VCF1: variants seen among roughly 807,000 people sequenced by gnomAD.
VCF1 encodes VCP nuclear cofactor family member 1, also known as protein VCF1.
At chr17:73,225,905 T>TAC in the VCF1 span, among the ~76,000 whole-genome samples, 2 of 113,246 alleles carry the variant, frequency 1.8e-5, no homozygotes, top group African/African-American at 6.9e-5. Context: ...ATATATTTTT[T>TAC]TTTTTTTTTT....
the VCF1 span, among the ~76,000 whole-genome samples, chr17:73,214,218 T>C: frequency 1.3e-5 from 2 of 151,968 alleles, no homozygotes. Flanking sequence ...TTCTCACTAC[T>C]GTGGAGGCTT....
chr17:73,229,775 G>A, the VCF1 span, among the ~76,000 whole-genome samples: 1 of 150,592 alleles, frequency 6.6e-6, no homozygotes, highest in Non-Finnish European at 1.5e-5. Flanking sequence ...GGCTGAGGCA[G>A]GGGAACTGCT....
At chr17:73,220,197 T>A in the VCF1 span, among the ~76,000 whole-genome samples, 1 of 152,170 alleles carries the variant, frequency 6.6e-6, no homozygotes, top group Non-Finnish European at 1.5e-5. Flanking sequence ...ATACTCCTAT[T>A]GTCATATGAA....
the VCF1 span, chr17:73,232,003 C>T: frequency 7.0e-7 from 1 of 1,436,232 alleles, no homozygotes; most frequent in Non-Finnish European, 9.3e-7. Context: ...CACTCTTGCT[C>T]CGACCCCCAT....
chr17:73,209,913 A>G, the VCF1 span: 17 of 1,311,286 alleles, frequency 1.3e-5, no homozygotes, highest in Non-Finnish European at 1.7e-5. Flanking sequence ...TGGAATTGAT[A>G]AAGTACGCTC....
chr17:73,222,059 T>G, the VCF1 span, among the ~76,000 whole-genome samples: 1 of 98,366 alleles, frequency 1.0e-5, no homozygotes, highest in African/African-American at 3.6e-5. Flanking sequence ...AAAAAAAAAC[T>G]AGCCAGGTGT....
chr17:73,222,035 CAAAAAAAAA>C, the VCF1 span, among the ~76,000 whole-genome samples: 22 of 80,882 alleles, frequency 2.7e-4, no homozygotes, highest in African/African-American at 1.2e-3. Context: ...GACTCTGTCT[CAAAAAAAAA>C]AAAAAAAAAA....
At chr17:73,219,847 C>T in the VCF1 span, among the ~76,000 whole-genome samples, 13 of 151,790 alleles carry the variant, frequency 8.6e-5, no homozygotes, top group African/African-American at 1.5e-4. Flanking sequence ...TGGCAGTGCG[C>T]GCCTGTAGTC....
chr17:73,227,266 T>C, the VCF1 span: 1 of 1,544,096 alleles, frequency 6.5e-7, no homozygotes, highest in Admixed American at 2.2e-5. Flanking sequence ...CTCCTTTTCC[T>C]GAAATTAAAT....
the VCF1 span, among the ~76,000 whole-genome samples, chr17:73,222,091 G>A: frequency 2.7e-5 from 4 of 148,886 alleles, no homozygotes; most frequent in Non-Finnish European, 4.4e-5. Flanking sequence ...CCTGTAGTTT[G>A]GGAGGCTGAG....
the VCF1 span, among the ~76,000 whole-genome samples, chr17:73,231,533 G>A: frequency 3.3e-5 from 5 of 152,280 alleles, no homozygotes; most frequent in Middle Eastern, 3.4e-3. Flanking sequence ...TGTTCTTAAT[G>A]CCACAGTCAA....
the VCF1 span, chr17:73,208,326 G>A: frequency 1.7e-5 from 27 of 1,613,644 alleles, no homozygotes; most frequent in African/African-American, 2.4e-4. Context: ...TGTCCCCCCG[G>A]CACGCTCCAC....
chr17:73,209,056 T>C, the VCF1 span: 1 of 199,934 alleles, frequency 5.0e-6, no homozygotes, highest in African/African-American at 2.4e-5. Context: ...TTAATTTCAG[T>C]GCAAGACTGA....
chr17:73,211,657 C>T, the VCF1 span, among the ~76,000 whole-genome samples: 2 of 150,606 alleles, frequency 1.3e-5, no homozygotes, highest in African/African-American at 2.4e-5. Flanking sequence ...GTCAAGAGGT[C>T]GAGACCATCC....
At chr17:73,217,268 G>A in the VCF1 span, among the ~76,000 whole-genome samples, 5 of 151,450 alleles carry the variant, frequency 3.3e-5, no homozygotes, top group Non-Finnish European at 5.9e-5. Flanking sequence ...CAGGAGAATC[G>A]CTTGAACCCA....
the VCF1 span, among the ~76,000 whole-genome samples, chr17:73,210,374 G>A: frequency 1.3e-5 from 2 of 151,870 alleles, no homozygotes; most frequent in Non-Finnish European, 2.9e-5. Context: ...GTACATGTGT[G>A]TACATGAGCG....
the VCF1 span, among the ~76,000 whole-genome samples, chr17:73,226,474 T>G: frequency 6.6e-6 from 1 of 152,228 alleles, no homozygotes; most frequent in Non-Finnish European, 1.5e-5. Flanking sequence ...TGTTGAGGCT[T>G]TTCTCTTAGT....
At chr17:73,229,299 C>T in the VCF1 span, 36 of 985,312 alleles carry the variant, frequency 3.7e-5, no homozygotes, top group Non-Finnish European at 4.0e-5. Context: ...ATTCTTCTTT[C>T]AACAATGGTG....
chr17:73,224,364 G>C, the VCF1 span, among the ~76,000 whole-genome samples: 2 of 151,062 alleles, frequency 1.3e-5, no homozygotes, highest in Non-Finnish European at 2.9e-5. Flanking sequence ...AGTATTGCTT[G>C]AGCCTGGGAG....
Sources: allele counts gnomAD v4.1 joint callset (sites outside exome capture counted in the v4.1 genomes callset), GRCh38; gene constraint gnomAD v4.1.1; transcripts MANE v1.5; gene names NCBI Gene and HGNC (gene_info 2026-07-23, HGNC 2026-07-21).